Variants in TMEM255A observed in about 807,000 individuals in gnomAD.
TMEM255A encodes transmembrane protein 255A.
TMEM255A carries 14 observed loss-of-function variants against 23.5 expected under a neutral mutation model. That is an observed-to-expected ratio of 0.60 (90% CI 0.39 to 0.93). The LOEUF (loss-of-function observed/expected upper bound fraction) is 0.93, where lower values mean the gene tolerates loss of function less well. TMEM255A is among the 40% of genes least tolerant of loss of function. The pLI, the probability that TMEM255A is intolerant of heterozygous loss-of-function variation, is 0.00. For synonymous variants in TMEM255A, 104 were observed against 100.3 expected, an observed-to-expected ratio of 1.04 and a Z score of -0.22; for missense variants, 233 against 261.7, an observed-to-expected ratio of 0.89 and a Z score of 0.76.
intron 6 of TMEM255A, among the ~76,000 whole-genome samples, chrX:120,280,825 C>G (rs1243100909): frequency 9.0e-6 from 1 of 111,036 alleles, no homozygotes; most frequent in Admixed American, 9.5e-5. Flanking sequence ...ATGCTGGGTA[C>G]TAATTCCAAA....
At chrX:120,254,681 T>C (rs2057625466), downstream of TMEM255A, 2 of 1,210,507 alleles carry the variant, frequency 1.7e-6, no homozygotes, top group Non-Finnish European at 2.2e-6. Context: ...ATACAGCTAC[T>C]GAAATTGAAG....
chrX:120,307,721 T>C (rs1445700298), intron 1 of TMEM255A, among the ~76,000 whole-genome samples: 1 of 112,273 alleles, frequency 8.9e-6, no homozygotes, highest in African/African-American at 3.2e-5. Context: ...GTGTGAAAAC[T>C]ACAATATCTC....
chrX:120,272,790 G>A (rs2147186810), intron 7 of TMEM255A, among the ~76,000 whole-genome samples: 1 of 96,530 alleles, frequency 1.0e-5, no homozygotes, highest in South Asian at 5.0e-4. Flanking sequence ...TGCCCAGGCT[G>A]GAGTGCAATG....
chrX:120,288,751 G>C (rs1377199624), intron 4 of TMEM255A, among the ~76,000 whole-genome samples: 2 of 112,584 alleles, frequency 1.8e-5, no homozygotes, highest in African/African-American at 6.5e-5. Context: ...TTTATGTTGA[G>C]TGTCTGCTCT....
At chrX:120,292,456 A>G (rs781903936) in intron 3 of TMEM255A, among the ~76,000 whole-genome samples, 1 of 110,980 alleles carries the variant, frequency 9.0e-6, no homozygotes, top group South Asian at 3.9e-4. Context: ...AGGGAGAAGG[A>G]GAAAATCAAA....
At chrX:120,287,414 A>G (rs185120732) in intron 4 of TMEM255A, among the ~76,000 whole-genome samples, 192 bp from the exon 5 acceptor site, 5 of 111,515 alleles carry the variant, frequency 4.5e-5, no homozygotes, top group Admixed American at 3.8e-4. Context: ...TTAGACAAAA[A>G]TACTTTAAAA....
chrX:120,298,877 T>TAGAGAGAGAGAG (rs60873568), intron 2 of TMEM255A, among the ~76,000 whole-genome samples: 2 of 97,885 alleles, frequency 2.0e-5, no homozygotes, highest in South Asian at 5.4e-4. Context: ...ACAGAGCACC[T>TAGAGAGAGAGAG]AGAGAGAGAG....
intron 1 of TMEM255A, among the ~76,000 whole-genome samples, chrX:120,307,880 C>T (rs782305344): frequency 2.7e-5 from 3 of 111,927 alleles, no homozygotes; most frequent in African/African-American, 9.7e-5. Context: ...TGCAGCCCTC[C>T]CTCTCTGCAG....
chrX:120,298,581 C>A (rs142184885), intron 2 of TMEM255A, among the ~76,000 whole-genome samples: 1 of 110,868 alleles, frequency 9.0e-6, no homozygotes, highest in Non-Finnish European at 1.9e-5. Flanking sequence ...CAAGGCTCTA[C>A]TTGGTTGTTA....
chrX:120,285,930 A>T, intron 5 of TMEM255A: 3 of 1,165,768 alleles, frequency 2.6e-6, no homozygotes, highest in Non-Finnish European at 3.5e-6. Context: ...TCCCCCATCC[A>T]GATGCAATGA....
chrX:120,256,179 A>G (rs1556015404), downstream of TMEM255A: 1 of 123,411 alleles, frequency 8.1e-6, no homozygotes, highest in African/African-American at 3.2e-5. Context: ...GGAGGAGATG[A>G]AAAGTTCTGT....
intron 2 of TMEM255A, among the ~76,000 whole-genome samples, chrX:120,296,400 T>TTCTATTCTATTCTAA (rs2057955724): frequency 1.0e-5 from 1 of 97,181 alleles, no homozygotes; most frequent in African/African-American, 3.8e-5. Context: ...TTCTATTCTA[T>TTCTATTCTATTCTAA]TCTATTCTAT....
In TMEM255A at chrX:120,294,034, G is replaced by A; in HGVS notation, c.219C>T (p.Phe73=). The change falls in exon 3 of 9, where the codon TTC becomes TTT. Residue 73 remains phenylalanine, a synonymous_variant. Coordinates refer to ENST00000371369, the MANE Select transcript of TMEM255A (RefSeq NM_001104544.3). The stretch of plus-strand genomic sequence containing the variant: ...TAAGGTTTGATCCAATGATTCCAAG[G>A]AACGATCCAAAGCCGAGCTGCAAAG... ...YPGVILGFGS[F]LGIIGSNLIE... The A allele has an allele frequency of 1.7e-6, 2 of 1,192,598 alleles. No homozygotes were observed. Among genetic ancestry groups the A allele is most frequent in the Non-Finnish European group, 2.3e-6 (2 of 882,343 alleles).
chrX:120,275,440 C>T (rs1247683289), intron 7 of TMEM255A, among the ~76,000 whole-genome samples: 4 of 111,719 alleles, frequency 3.6e-5, no homozygotes, highest in Non-Finnish European at 5.6e-5. Flanking sequence ...TTCCCTTGTC[C>T]TACCCCACCT....
chrX:120,310,560 A>C (rs1373156633), intron 1 of TMEM255A, among the ~76,000 whole-genome samples: 1 of 111,645 alleles, frequency 9.0e-6, no homozygotes, highest in African/African-American at 3.3e-5. Flanking sequence ...TTTCACACTC[A>C]TGCACATTCC....
intron 6 of TMEM255A, among the ~76,000 whole-genome samples, chrX:120,280,059 G>GTGGTA (rs2057827775): frequency 1.2e-5 from 1 of 86,446 alleles, no homozygotes. Flanking sequence ...CTGGAGTGCA[G>GTGGTA]TGGTATGGTC....
chrX:120,255,373 T>G, downstream of TMEM255A: 1 of 1,211,299 alleles, frequency 8.3e-7, no homozygotes, highest in Non-Finnish European at 1.1e-6. Flanking sequence ...GATTCAATTT[T>G]TAAACAAAAT....
downstream of TMEM255A, chrX:120,255,431 C>A: frequency 8.4e-7 from 1 of 1,187,164 alleles, no homozygotes; most frequent in Non-Finnish European, 1.1e-6. Context: ...CAGAGTCTTA[C>A]TAAACTCCTT....
intron 6 of TMEM255A, among the ~76,000 whole-genome samples, chrX:120,284,309 T>C (rs1230007002): frequency 8.9e-6 from 1 of 112,090 alleles, no homozygotes; most frequent in Non-Finnish European, 1.9e-5. Context: ...CAATTTGGAG[T>C]GCACAGAGCC....
Sources: allele counts gnomAD v4.1 joint callset (sites outside exome capture counted in the v4.1 genomes callset), GRCh38; gene constraint gnomAD v4.1.1; transcripts MANE v1.5; gene names NCBI Gene and HGNC (gene_info 2026-07-23, HGNC 2026-07-21).